The following RTN4IP1 variants were observed in gnomAD, a reference collection of about 807,000 sequenced individuals.
RTN4IP1 encodes reticulon 4 interacting protein 1, also known as NAD(P)H oxidoreductase RTN4IP1, mitochondrial.
In RTN4IP1, 32 loss-of-function variants were observed where a neutral mutation model predicts 46.6. The ratio of observed to expected loss-of-function variants is 0.69; its 90% CI spans 0.52 to 0.92. RTN4IP1 has a LOEUF of 0.92. Ranked by LOEUF, RTN4IP1 falls within the 40% of genes least tolerant of loss-of-function variation. RTN4IP1 has a pLI of 0.00. For synonymous variants in RTN4IP1, 167 were observed against 161.8 expected, an observed-to-expected ratio of 1.03 and a Z score of -0.24; for missense variants, 424 against 485.8, an observed-to-expected ratio of 0.87 and a Z score of 1.20.
chr6:106,598,523 G>A (rs1393557434), intron 5 of RTN4IP1, among the ~76,000 whole-genome samples: 25 of 150,728 alleles, frequency 1.7e-4, no homozygotes, highest in African/African-American at 5.4e-4. Flanking sequence ...CATGTCCTTC[G>A]CCCACTTTTT....
At chr6:106,592,527 T>C (rs1289093926) in intron 5 of RTN4IP1, among the ~76,000 whole-genome samples, 1 of 152,178 alleles carries the variant, frequency 6.6e-6, no homozygotes, top group Non-Finnish European at 1.5e-5. Flanking sequence ...GATCTCATTT[T>C]CCCTACATGA....
intron 5 of RTN4IP1, among the ~76,000 whole-genome samples, chr6:106,598,522 C>T (rs1294582001): frequency 8.6e-5 from 13 of 150,590 alleles, no homozygotes; most frequent in African/African-American, 2.2e-4. Context: ...TCATGTCCTT[C>T]GCCCACTTTT....
rs1209592851 is a variant in RTN4IP1 at position 106,621,531 on chromosome 6, C to G, written c.427-38G>C. 1.9e-6 allele frequency: 3 copies of G among 1,583,934 alleles called. No homozygotes were observed. In the African/African-American group the frequency reaches 4.0e-5, roughly 21 times the overall value. On this transcript the variant is annotated intron_variant, in intron 2 of 8. Transcript: ENST00000369063. Reference sequence around the variant, plus strand: ...CAGACAGACAGCTTCATTAGAAACACAGATATTTTTTGACCGAAGCTAAGC... The same window carrying G: ...CAGACAGACAGCTTCATTAGAAACAGAGATATTTTTTGACCGAAGCTAAGC...
At chr6:106,573,551 G>A (rs1361652327) in intron 8 of RTN4IP1, among the ~76,000 whole-genome samples, 2 of 152,180 alleles carry the variant, frequency 1.3e-5, no homozygotes, top group Non-Finnish European at 2.9e-5. Flanking sequence ...TATGTGCCAG[G>A]CACTGTTTTA....
chr6:106,608,415 C>A (rs1427892074), intron 4 of RTN4IP1, among the ~76,000 whole-genome samples: 2 of 152,258 alleles, frequency 1.3e-5, no homozygotes, highest in East Asian at 3.9e-4. Context: ...TTCTAGTACT[C>A]TATAGCACTA....
intron 4 of RTN4IP1, among the ~76,000 whole-genome samples, chr6:106,615,784 G>A (rs2353037): frequency 0.63 from 95,060 of 151,562 alleles, 31,512 homozygotes; most frequent in South Asian, 0.75. Flanking sequence ...AAAAATATCC[G>A]GTTGTAACAA....
At chr6:106,626,500 T>C (rs1490302544) in intron 1 of RTN4IP1, among the ~76,000 whole-genome samples, 1 of 152,262 alleles carries the variant, frequency 6.6e-6, no homozygotes, top group African/African-American at 2.4e-5. Flanking sequence ...CATTTAGTCG[T>C]GTCAAACTTT....
At chr6:106,625,519 G>C (rs1776612282) in intron 1 of RTN4IP1, among the ~76,000 whole-genome samples, 1 of 152,042 alleles carries the variant, frequency 6.6e-6, no homozygotes, top group Non-Finnish European at 1.5e-5. Context: ...TGAGAGAATG[G>C]GAAATAAGGG....
At chr6:106,629,589 A>C, upstream of RTN4IP1, 1 of 1,489,432 alleles carries the variant, frequency 6.7e-7, no homozygotes, top group Non-Finnish European at 9.1e-7. Flanking sequence ...GTGACAATTA[A>C]AGATGGCTGC....
intron 5 of RTN4IP1, among the ~76,000 whole-genome samples, chr6:106,602,094 C>A (rs910683573): frequency 6.6e-6 from 1 of 152,140 alleles, no homozygotes; most frequent in Non-Finnish European, 1.5e-5. Context: ...TTTCTGGATG[C>A]TCAATTCTAT....
chr6:106,625,665 T>C (rs887034382), intron 1 of RTN4IP1, among the ~76,000 whole-genome samples: 41 of 142,510 alleles, frequency 2.9e-4, no homozygotes, highest in African/African-American at 2.6e-4. Context: ...TTTTTTCTTT[T>C]TTTTTTTTTT....
chr6:106,619,377 A>G, intron 3 of RTN4IP1, 51 bp from the exon 4 acceptor site: 10 of 1,608,678 alleles, frequency 6.2e-6, no homozygotes, highest in Non-Finnish European at 8.5e-6. Flanking sequence ...CAAACCTATG[A>G]ACACAATTAA....
At chr6:106,614,657 A>C (rs995266547) in intron 4 of RTN4IP1, among the ~76,000 whole-genome samples, 4 of 152,218 alleles carry the variant, frequency 2.6e-5, no homozygotes, top group African/African-American at 9.6e-5. Context: ...CCCTGAAACC[A>C]TACGAAAAGT....
chr6:106,618,278 G>C (rs1776399543), intron 4 of RTN4IP1, among the ~76,000 whole-genome samples: 2 of 136,750 alleles, frequency 1.5e-5, no homozygotes, highest in African/African-American at 5.5e-5. Flanking sequence ...ACAATCCTTA[G>C]TAATAAAAAA....
intron 8 of RTN4IP1, among the ~76,000 whole-genome samples, chr6:106,575,412 A>G (rs575212952): frequency 3.5e-4 from 53 of 152,332 alleles, no homozygotes; most frequent in African/African-American, 1.2e-3. Context: ...GCTGCCTGAC[A>G]TCACTTCTGT....
In RTN4IP1 at chr6:106,607,526, CAACA is replaced by C. The variant is rs578228505; in HGVS notation, c.621-4608_621-4605del. ...ATAAGGAACTCAAAAAACTCAACAA[CAACA>C]AAAAAACTAGTAATCCAATTAAAAA... On this transcript the variant is annotated intron_variant, in intron 4 of 8. Coordinates refer to ENST00000369063, the MANE Select transcript of RTN4IP1 (RefSeq NM_032730.5). 2.7e-4 allele frequency among the ~76,000 whole-genome samples: 15 copies of C among 55,608 alleles called. No homozygotes were observed. In the South Asian group the frequency reaches 8.2e-3, roughly 30 times the overall value. The allele number at this position is 55,608 out of a possible 152,430, so 36.5% of individuals were successfully genotyped here.
rs192004867 is a variant in RTN4IP1 at position 106,626,592 on chromosome 6, T to C, written c.274+2156A>G. ...CAGCCCAAGGTTGTTTTTAGTTTTCTTGGTCCCCTGATAATGCTAATACAT... is the reference window on the plus strand; with the variant it reads ...CAGCCCAAGGTTGTTTTTAGTTTTCCTGGTCCCCTGATAATGCTAATACAT... On this transcript the variant is annotated intron_variant, in intron 1 of 8. Coordinates refer to ENST00000369063, the MANE Select transcript of RTN4IP1 (RefSeq NM_032730.5). Among the ~76,000 whole-genome samples, 29 of 152,342 alleles carry C rather than the reference T, an allele frequency of 1.9e-4. No homozygotes were observed. In the East Asian group the frequency reaches 4.8e-3, roughly 25 times the overall value.
At position 106,572,042 on chromosome 6, in the gene RTN4IP1, A is replaced by T. The variant is rs750815379; in HGVS notation, c.1145T>A (p.Val382Glu). The T allele has an allele frequency of 1.9e-6, 3 of 1,613,944 alleles. No homozygotes were observed. In the South Asian group the frequency reaches 3.3e-5, roughly 18 times the overall value. Reference protein sequence around the residue: ...FSKVPEAFLKVERGHARGKTV... With the variant: ...FSKVPEAFLKEERGHARGKTV... Reference sequence around the variant, plus strand: ...CTTTCCTCGTGCGTGTCCTCTTTCCACCTTCAGGAAGGCTTCTGGAACTTT... The same window carrying T: ...CTTTCCTCGTGCGTGTCCTCTTTCCTCCTTCAGGAAGGCTTCTGGAACTTT... The change falls in exon 9 of 9, where the codon GTG becomes GAG. Residue 382 changes from valine (V) to glutamate (E), a missense_variant. By Grantham distance (121) the Val-to-Glu change is moderately radical. Transcript: ENST00000369063.
At chr6:106,589,548 C>T (rs1388923090) in intron 6 of RTN4IP1, among the ~76,000 whole-genome samples, 3 of 151,956 alleles carry the variant, frequency 2.0e-5, no homozygotes, top group African/African-American at 7.3e-5. Flanking sequence ...AATCTGGAGA[C>T]CAGGTTGTGG....
Sources: allele counts gnomAD v4.1 joint callset (sites outside exome capture counted in the v4.1 genomes callset), GRCh38; gene constraint gnomAD v4.1.1; transcripts MANE v1.5; gene names NCBI Gene and HGNC (gene_info 2026-07-23, HGNC 2026-07-21).